Variants in DNM3 observed in about 807,000 individuals in gnomAD.
DNM3 encodes the protein dynamin 3, also known as dynamin-3.
Under a neutral mutation model 101.6 loss-of-function variants are expected in DNM3, and 47 were observed. The ratio of observed to expected loss-of-function variants is 0.46; its 90% CI spans 0.37 to 0.59. The LOEUF is 0.59. Among genes scored for constraint, DNM3 ranks in the 20% least tolerant of loss-of-function variants. The pLI is 0.00. For missense variants in DNM3, 849 were observed against 1,085.7 expected, an observed-to-expected ratio of 0.78 and a Z score of 3.06; for synonymous variants, 385 against 387.9, an observed-to-expected ratio of 0.99 and a Z score of 0.09.
intron 1 of DNM3, among the ~76,000 whole-genome samples, chr1:171,872,297 A>G (rs2035365982): frequency 6.6e-6 from 1 of 152,172 alleles, no homozygotes; most frequent in Non-Finnish European, 1.5e-5. Flanking sequence ...TTTGAGATGA[A>G]AAAGCTTCTT....
intron 20 of DNM3, among the ~76,000 whole-genome samples, chr1:172,402,293 T>TAAG (rs918487742): frequency 2.6e-5 from 4 of 152,138 alleles, no homozygotes; most frequent in African/African-American, 9.7e-5. Flanking sequence ...TTATCATAAA[T>TAAG]AAGTTTAAAA....
chr1:172,362,155 C>G (rs2067774016), intron 17 of DNM3, among the ~76,000 whole-genome samples: 3 of 151,896 alleles, frequency 2.0e-5, no homozygotes, highest in Admixed American at 6.6e-5. Flanking sequence ...AGAAAAATTC[C>G]ACTTTCACTT....
chr1:172,246,540 C>G (rs1387410378), intron 14 of DNM3, among the ~76,000 whole-genome samples: 1 of 152,030 alleles, frequency 6.6e-6, no homozygotes, highest in African/African-American at 2.4e-5. Context: ...AGCAGAGTGG[C>G]AAATAGGCAA....
chr1:172,107,107 G>T (rs1006585233), intron 13 of DNM3, among the ~76,000 whole-genome samples: 1 of 151,220 alleles, frequency 6.6e-6, no homozygotes, highest in African/African-American at 2.4e-5. Context: ...TGATCCACCC[G>T]CCTCGGCCTC....
chr1:171,856,609 C>CT (rs2033639647), intron 1 of DNM3, among the ~76,000 whole-genome samples: 1 of 151,950 alleles, frequency 6.6e-6, no homozygotes, highest in African/African-American at 2.4e-5. Flanking sequence ...AGCTGTGTTC[C>CT]TAGGTATTTT....
chr1:172,033,463 T>G (rs1413353407), intron 6 of DNM3, among the ~76,000 whole-genome samples, 198 bp downstream of exon 6: 1 of 152,162 alleles, frequency 6.6e-6, no homozygotes, highest in Non-Finnish European at 1.5e-5. Flanking sequence ...CACCTTCCTA[T>G]TATTGCAAGA....
At chr1:172,174,919 A>G (rs535425685) in intron 14 of DNM3, among the ~76,000 whole-genome samples, 1 of 151,898 alleles carries the variant, frequency 6.6e-6, no homozygotes, top group East Asian at 1.9e-4. Flanking sequence ...GTGGCTTTAT[A>G]TCTTTCAAGA....
At chr1:172,201,783 G>A (rs565427188) in intron 14 of DNM3, among the ~76,000 whole-genome samples, 187 of 152,330 alleles carry the variant, frequency 1.2e-3, no homozygotes, top group Non-Finnish European at 2.3e-3. Flanking sequence ...TGGCTCGATA[G>A]CTCTGGCAGG....
intron 17 of DNM3, among the ~76,000 whole-genome samples, chr1:172,335,142 G>C (rs2066361737): frequency 6.6e-6 from 1 of 152,076 alleles, no homozygotes; most frequent in African/African-American, 2.4e-5. Context: ...TTTTTGACCA[G>C]GGTATGCAAT....
At position 171,847,896 on chromosome 1, in the gene DNM3, C is replaced by CTGTGTGTGTGTGTGTG. The variant is rs752990905; in HGVS notation, c.161+6100_161+6115dup. Among the ~76,000 whole-genome samples the CTGTGTGTGTGTGTGTG allele has an allele frequency of 8.5e-5, 12 of 141,238 alleles. No homozygotes were observed. In the East Asian group the frequency reaches 1.3e-3, roughly 15 times the overall value. The allele number at this position is 141,238 out of a possible 152,430, so 92.7% of individuals were successfully genotyped here. A position where few individuals can be genotyped will look rare whatever the true frequency, so the allele number is the denominator to read the frequency against. ...TATTAATTACTCTCTCTCTCTCTCT[C>CTGTGTGTGTGTGTGTG]TGTGTGTGTGTGTGTGTGTGTGTGT... is the stretch of plus-strand genomic sequence containing the variant. On this transcript the variant is annotated intron_variant, in intron 1 of 20. Coordinates refer to ENST00000627582, the MANE Select transcript of DNM3 (RefSeq NM_015569.5).
rs756688292 is a variant in DNM3, at chr1:172,323,842, G to A, written c.1893+502G>A. 5.1e-4 allele frequency among the ~76,000 whole-genome samples: 77 copies of A among 152,238 alleles called. 1 individual carries two copies. Among genetic ancestry groups the A allele is most frequent in the South Asian group, 1.7e-3 (8 of 4,804 alleles). On this transcript the variant is annotated intron_variant, in intron 17 of 20. Transcript: ENST00000627582. Reference sequence around the variant, plus strand: ...GCTTTGAAGGTGCCTTAAAATGGATGGAGGAGGGTGGGGTCAACATTTCAC... The same window carrying A: ...GCTTTGAAGGTGCCTTAAAATGGATAGAGGAGGGTGGGGTCAACATTTCAC...
At chr1:172,121,982 G>A (rs1004619011) in intron 13 of DNM3, among the ~76,000 whole-genome samples, 1 of 152,036 alleles carries the variant, frequency 6.6e-6, no homozygotes, top group Admixed American at 6.6e-5. Flanking sequence ...TTCTTTTTAT[G>A]TTGTGCTGTT....
downstream of DNM3, among the ~76,000 whole-genome samples, chr1:172,413,564 G>T (rs138403852): frequency 6.6e-6 from 1 of 152,302 alleles, no homozygotes; most frequent in East Asian, 1.9e-4. Context: ...TTCAGAAAAT[G>T]AAAGAATGAC....
chr1:171,891,005 T>A (rs2037223034), intron 1 of DNM3, among the ~76,000 whole-genome samples: 1 of 152,324 alleles, frequency 6.6e-6, no homozygotes, highest in East Asian at 1.9e-4. Flanking sequence ...ACATGGCTAT[T>A]GAAAAGTCTT....
chr1:172,080,367 T>C (rs1373303720), intron 11 of DNM3, among the ~76,000 whole-genome samples: 14 of 152,154 alleles, frequency 9.2e-5, no homozygotes, highest in Admixed American at 9.2e-4. Flanking sequence ...AGCAGCTTTG[T>C]TGAACTGTAG....
intron 2 of DNM3, among the ~76,000 whole-genome samples, chr1:171,944,854 CCTTTTTTTTTT>C (rs1206353917): frequency 2.9e-4 from 11 of 37,586 alleles, no homozygotes; most frequent in East Asian, 1.7e-3. Flanking sequence ...TTTGGTGTTT[CCTTTTTTTTTT>C]TTTTTTTTTT....
chr1:172,024,581 C>G (rs985596560), intron 4 of DNM3, among the ~76,000 whole-genome samples: 3 of 152,188 alleles, frequency 2.0e-5, no homozygotes, highest in African/African-American at 7.2e-5. Context: ...CAGGTGATTT[C>G]TGTAATCCAA....
At chr1:172,120,815 C>T (rs747963413) in intron 13 of DNM3, among the ~76,000 whole-genome samples, 2 of 152,198 alleles carry the variant, frequency 1.3e-5, no homozygotes, top group Non-Finnish European at 2.9e-5. Flanking sequence ...TATTCTCTCA[C>T]TTGTCTATAA....
chr1:172,012,912 T>A (rs1195953878), intron 4 of DNM3, among the ~76,000 whole-genome samples: 1 of 151,928 alleles, frequency 6.6e-6, no homozygotes, highest in African/African-American at 2.4e-5. Flanking sequence ...AAGACAAAAC[T>A]CTTCCTATTC....
Sources: gnomAD v4.1 joint callset for allele counts (sites outside exome capture counted in the v4.1 genomes callset) on GRCh38, gnomAD v4.1.1 for gene constraint, MANE v1.5 for transcripts, NCBI Gene and HGNC (gene_info 2026-07-23, HGNC 2026-07-21) for gene names.